Variants in DBX2 observed in about 807,000 individuals in gnomAD.
The protein encoded by DBX2 is homeobox protein DBX2.
In DBX2, 16 loss-of-function variants were observed where a neutral mutation model predicts 17.7. That is an observed-to-expected ratio of 0.90 (90% CI 0.61 to 1.37). The LOEUF is 1.37. Ranked by LOEUF, DBX2 falls within the 40% of genes most tolerant of loss-of-function variation. The pLI, the probability that DBX2 is intolerant of heterozygous loss-of-function variation, is 0.00. For synonymous variants in DBX2, 255 were observed against 183.8 expected (o/e 1.39, Z -3.13); for missense variants, 538 against 433.8 (o/e 1.24, Z -2.13).
At chr12:45,035,185 G>A (rs1293728810) in intron 2 of DBX2, among the ~76,000 whole-genome samples, 4 of 152,198 alleles carry the variant, frequency 2.6e-5, no homozygotes, top group Admixed American at 6.5e-5. Context: ...GATGGGGTTC[G>A]GCACAAGAGC....
At chr12:45,029,779 G>A (rs1207740619) in intron 2 of DBX2, among the ~76,000 whole-genome samples, 1 of 151,866 alleles carries the variant, frequency 6.6e-6, no homozygotes, top group Non-Finnish European at 1.5e-5. Context: ...AGGAATAAGT[G>A]CTTGAACCTG....
rs544729807 is a variant in DBX2 at position 45,039,942 on chromosome 12, G to A, written c.404-3828C>T. On this transcript the variant is annotated intron_variant, in intron 1 of 3. Coordinates refer to ENST00000332700, the MANE Select transcript of DBX2 (RefSeq NM_001004329.3). Reference sequence around the variant, plus strand: ...AACAGTTCAGGTTCTACAGCATGACGTCAGGTTGTATTAACACAACATCTC... The same window carrying A: ...AACAGTTCAGGTTCTACAGCATGACATCAGGTTGTATTAACACAACATCTC... Among the ~76,000 whole-genome samples, 6 of 152,112 alleles carry A rather than the reference G, an allele frequency of 3.9e-5. No individual in the cohort carries two copies. In the South Asian group the frequency reaches 8.3e-4, roughly 21 times the overall value.
At chr12:45,026,647 C>T (rs1946383004) in intron 2 of DBX2, among the ~76,000 whole-genome samples, 1 of 152,214 alleles carries the variant, frequency 6.6e-6, no homozygotes, top group Non-Finnish European at 1.5e-5. Flanking sequence ...AATGTGATAG[C>T]TTCCTTTTCT....
At chr12:45,018,690 A>C (rs1030464008) in intron 3 of DBX2, among the ~76,000 whole-genome samples, 3 of 152,080 alleles carry the variant, frequency 2.0e-5, no homozygotes, top group Non-Finnish European at 4.4e-5. Context: ...ATATTTGTAC[A>C]CCCATATTCG....
Position 45,016,025 on chromosome 12 carries a change from AGAGCAGGGACC to A in DBX2, c.*250_*260del, listed in dbSNP as rs1253142156. 1 of 341,766 alleles carries A rather than the reference AGAGCAGGGACC, an allele frequency of 2.9e-6. No individual in the cohort carries two copies. The highest frequency in any genetic ancestry group is 5.3e-6 in the Non-Finnish European group (1 of 189,122). The allele number at this position is 341,766 out of a possible 1,614,324, so 21.2% of individuals were successfully genotyped here. The stretch of plus-strand genomic sequence containing the variant: ...GACAAACACATATATACACATACTC[AGAGCAGGGACC>A]GAGCCAGCTGTTGCTCTCCTTCTTT... On this transcript the variant is annotated 3_prime_UTR_variant, in exon 4 of 4. Transcript: ENST00000332700.
At chr12:45,031,229 A>T (rs61931015) in intron 2 of DBX2, among the ~76,000 whole-genome samples, 6,421 of 65,286 alleles carry the variant, frequency 0.098, 149 homozygotes, top group African/African-American at 0.12. Context: ...TGTGTGTGAG[A>T]GAGAGAGAGA....
At position 45,036,894 on chromosome 12, in the gene DBX2, C is replaced by T. The variant is rs995865794; in HGVS notation, c.404-780G>A. On this transcript the variant is annotated intron_variant, in intron 1 of 3. Coordinates refer to ENST00000332700, the MANE Select transcript of DBX2 (RefSeq NM_001004329.3). ...TATGTGTTTCTAGTATAGTGAGTTG[C>T]CATGTAATTCTGCTCTGCATAGTTT... Among the ~76,000 whole-genome samples the T allele has an allele frequency of 3.3e-5, 5 of 152,088 alleles. No homozygotes were observed. The East Asian group carries it at 7.7e-4, about 23-fold the overall frequency.
chr12:45,050,282 G>A (rs1946522593), intron 1 of DBX2, among the ~76,000 whole-genome samples: 1 of 152,224 alleles, frequency 6.6e-6, no homozygotes, highest in Admixed American at 6.5e-5. Flanking sequence ...TGAAAGAAGG[G>A]AACAGCAAAG....
chr12:45,024,065 C>A (rs1946367763), intron 2 of DBX2, among the ~76,000 whole-genome samples, 171 bp from the exon 3 acceptor site: 1 of 152,176 alleles, frequency 6.6e-6, no homozygotes, highest in Non-Finnish European at 1.5e-5. Flanking sequence ...GGACTCTCAT[C>A]TTGAATTGTA....
chr12:45,025,102 TG>T (rs1565581575), intron 2 of DBX2, among the ~76,000 whole-genome samples: 1 of 152,232 alleles, frequency 6.6e-6, no homozygotes, highest in Non-Finnish European at 1.5e-5. Context: ...TTATGTTACA[TG>T]GCAAGGGGAA....
chr12:45,018,095 G>T (rs921375296), intron 3 of DBX2, among the ~76,000 whole-genome samples: 1 of 152,052 alleles, frequency 6.6e-6, no homozygotes, highest in African/African-American at 2.4e-5. Context: ...CATGATTAAG[G>T]CTTTTCATAC....
chr12:45,026,927 C>G (rs937699569), intron 2 of DBX2, among the ~76,000 whole-genome samples: 1 of 152,168 alleles, frequency 6.6e-6, no homozygotes, highest in African/African-American at 2.4e-5. Context: ...TTGCCTGTCT[C>G]ATGCCAAGAT....
chr12:45,048,452 C>T (rs950709720), intron 1 of DBX2, among the ~76,000 whole-genome samples: 2 of 152,170 alleles, frequency 1.3e-5, no homozygotes, highest in Non-Finnish European at 2.9e-5. Context: ...AACACCAAAT[C>T]ACTATTTCAT....
intron 2 of DBX2, among the ~76,000 whole-genome samples, chr12:45,033,541 C>T (rs1281514740): frequency 6.6e-6 from 1 of 151,946 alleles, no homozygotes; most frequent in South Asian, 2.1e-4. Context: ...TTAACTGTAC[C>T]TTGGTATCCT....
At chr12:45,049,628 A>C (rs1338827977) in intron 1 of DBX2, among the ~76,000 whole-genome samples, 4 of 151,830 alleles carry the variant, frequency 2.6e-5, no homozygotes, top group Non-Finnish European at 4.4e-5. Flanking sequence ...CATCGGGATT[A>C]AAAGAATGAG....
rs561763710 is a variant in DBX2, at chr12:45,051,019, C to G, written c.-92G>C. On this transcript the variant is annotated 5_prime_UTR_variant, in exon 1 of 4. Coordinates refer to ENST00000332700, the MANE Select transcript of DBX2 (RefSeq NM_001004329.3). ...CGCACCCAGAGCCGCAGCTTCTCGC[C>G]GCCGCCTCCCGCAGGGCTGGAGCGC... The G allele has an allele frequency of 2.0e-5, 26 of 1,298,490 alleles. No individual in the cohort carries two copies. Among genetic ancestry groups the G allele is most frequent in the South Asian group, 5.0e-5 (2 of 40,138 alleles). The allele number at this position is 1,298,490 out of a possible 1,614,324, so 80.4% of individuals were successfully genotyped here. A position where few individuals can be genotyped will look rare whatever the true frequency, so the allele number is the denominator to read the frequency against.
intron 1 of DBX2, among the ~76,000 whole-genome samples, chr12:45,043,611 G>T (rs1946483519): frequency 6.6e-6 from 1 of 152,146 alleles, no homozygotes. Context: ...TGGACATCCA[G>T]CTCAGTCAAA....
rs754250328 is a variant in DBX2 at position 45,036,083 on chromosome 12, CG to C, written c.434del (p.Pro145ArgfsTer31). 9.3e-6 allele frequency: 15 copies of C among 1,613,394 alleles called. No individual in the cohort carries two copies. The South Asian group carries it at 1.7e-4, about 18-fold the overall frequency. On this transcript the variant is annotated frameshift_variant, in exon 2 of 4. Coordinates refer to ENST00000332700, the MANE Select transcript of DBX2 (RefSeq NM_001004329.3). LOFTEE classifies it high-confidence loss of function. ...APSKPFLLSTPPFYSACCGGS... is the reference protein window; with the variant it reads ...APSKPFLLSTXPFYSACCGGS... ...CACCGCAGCACGCCGAGTAGAATGG[CG>C]GGGTGCTCAGAAGGAAAGGTTTGGA...
At chr12:45,048,326 T>G (rs7315817) in intron 1 of DBX2, among the ~76,000 whole-genome samples, 10,751 of 152,228 alleles carry the variant, frequency 0.071, 769 homozygotes, top group East Asian at 0.18. Context: ...AGATTTTGTG[T>G]TCCACTCCCA....
Sources: allele counts gnomAD v4.1 joint callset (sites outside exome capture counted in the v4.1 genomes callset), GRCh38; gene constraint gnomAD v4.1.1; transcripts MANE v1.5; gene names NCBI Gene and HGNC (gene_info 2026-07-23, HGNC 2026-07-21).